The following ENTREP2 variants were observed in gnomAD, a reference collection of about 807,000 sequenced individuals.
ENTREP2 encodes the protein protein ENTREP2.
chr15:29,207,088 C>T, the ENTREP2 span, among the ~76,000 whole-genome samples: 27 of 152,154 alleles, frequency 1.8e-4, no homozygotes, highest in African/African-American at 6.0e-4. Context: ...GTGCCCTCAG[C>T]CAGCCCCTCC....
chr15:29,344,494 G>C, the ENTREP2 span, among the ~76,000 whole-genome samples: 1 of 152,032 alleles, frequency 6.6e-6, no homozygotes, highest in Non-Finnish European at 1.5e-5. Context: ...TTATAGAAGG[G>C]TCTTTACTTT....
chr15:29,219,018 G>C, the ENTREP2 span, among the ~76,000 whole-genome samples: 1 of 151,990 alleles, frequency 6.6e-6, no homozygotes, highest in Non-Finnish European at 1.5e-5. Flanking sequence ...AGAGTAAACA[G>C]ACAACCCACA....
At chr15:29,422,024 T>C in the ENTREP2 span, among the ~76,000 whole-genome samples, 5 of 151,932 alleles carry the variant, frequency 3.3e-5, no homozygotes, top group Non-Finnish European at 7.4e-5. Context: ...TCCCAGCACT[T>C]TGGGAGGCCG....
chr15:29,610,556 C>T, the ENTREP2 span: 1 of 150,706 alleles, frequency 6.6e-6, no homozygotes, highest in Non-Finnish European at 1.5e-5. Context: ...AGTTCATTCT[C>T]TCTTCCAGAA....
chr15:29,129,796 C>T, the ENTREP2 span, among the ~76,000 whole-genome samples: 1 of 152,162 alleles, frequency 6.6e-6, no homozygotes, highest in Non-Finnish European at 1.5e-5. Flanking sequence ...GCATCAGGGC[C>T]TCCCGGATGC....
At chr15:29,403,307 C>G in the ENTREP2 span, among the ~76,000 whole-genome samples, 1 of 152,184 alleles carries the variant, frequency 6.6e-6, no homozygotes, top group East Asian at 1.9e-4. Context: ...CCCTCCCTTT[C>G]TCAACCCATT....
the ENTREP2 span, among the ~76,000 whole-genome samples, chr15:29,466,569 C>A: frequency 1.4e-4 from 20 of 145,002 alleles, no homozygotes; most frequent in South Asian, 4.4e-4. Flanking sequence ...ATGCTGCAGC[C>A]CCCAGGGGAG....
At chr15:29,537,247 T>A in the ENTREP2 span, among the ~76,000 whole-genome samples, 1 of 152,258 alleles carries the variant, frequency 6.6e-6, no homozygotes, top group Middle Eastern at 3.4e-3. Context: ...AAGGAGCCAA[T>A]GCCCACTAGA....
chr15:29,432,640 C>G, the ENTREP2 span, among the ~76,000 whole-genome samples: 1 of 152,186 alleles, frequency 6.6e-6, no homozygotes, highest in Admixed American at 6.5e-5. Flanking sequence ...GTGACTCAGG[C>G]TGCAGGAGCC....
At chr15:29,659,500 T>C in the ENTREP2 span, among the ~76,000 whole-genome samples, 1 of 151,818 alleles carries the variant, frequency 6.6e-6, no homozygotes, top group South Asian at 2.1e-4. Flanking sequence ...ATAATAATAA[T>C]ACACCCAGAA....
At chr15:29,483,532 T>C in the ENTREP2 span, among the ~76,000 whole-genome samples, 1 of 152,244 alleles carries the variant, frequency 6.6e-6, no homozygotes, top group African/African-American at 2.4e-5. Flanking sequence ...TGTTGGCCTC[T>C]AGCTGTTCCA....
At chr15:29,667,064 G>C in the ENTREP2 span, among the ~76,000 whole-genome samples, 1 of 151,934 alleles carries the variant, frequency 6.6e-6, no homozygotes, top group African/African-American at 2.4e-5. Flanking sequence ...ACTGGATTAG[G>C]GCCCACTCTA....
chr15:29,652,436 G>A, the ENTREP2 span, among the ~76,000 whole-genome samples: 1 of 152,220 alleles, frequency 6.6e-6, no homozygotes, highest in African/African-American at 2.4e-5. Context: ...AGAACTCAAG[G>A]TGCCAAATGG....
the ENTREP2 span, among the ~76,000 whole-genome samples, chr15:29,407,426 T>C: frequency 1.3e-5 from 2 of 152,238 alleles, no homozygotes; most frequent in East Asian, 1.9e-4. Flanking sequence ...CCCTGAGGTC[T>C]CCCTCACCAT....
chr15:29,357,681 A>G, the ENTREP2 span, among the ~76,000 whole-genome samples: 1 of 151,928 alleles, frequency 6.6e-6, no homozygotes, highest in Admixed American at 6.6e-5. Flanking sequence ...ACTAAAAAAT[A>G]CAAAAAAATT....
chr15:29,232,111 G>A, the ENTREP2 span, among the ~76,000 whole-genome samples: 2 of 151,754 alleles, frequency 1.3e-5, no homozygotes, highest in African/African-American at 2.4e-5. Flanking sequence ...GGCTGGTCTC[G>A]AACCCCTGAC....
the ENTREP2 span, among the ~76,000 whole-genome samples, chr15:29,361,034 C>G: frequency 6.6e-6 from 1 of 152,308 alleles, no homozygotes; most frequent in African/African-American, 2.4e-5. Flanking sequence ...CTCCTGGACC[C>G]CTGCACCTGG....
chr15:29,196,687 G>T, the ENTREP2 span: 1 of 1,060,888 alleles, frequency 9.4e-7, no homozygotes, highest in Non-Finnish European at 1.3e-6. Flanking sequence ...GTTTCAGTGT[G>T]TTTAAGTAGT....
chr15:29,240,991 T>C, the ENTREP2 span, among the ~76,000 whole-genome samples: 1 of 152,220 alleles, frequency 6.6e-6, no homozygotes, highest in Non-Finnish European at 1.5e-5. Flanking sequence ...TCCAAACATA[T>C]ACTAAAATGT....
Sources: gnomAD v4.1 joint callset for allele counts (sites outside exome capture counted in the v4.1 genomes callset) on GRCh38, gnomAD v4.1.1 for gene constraint, MANE v1.5 for transcripts, NCBI Gene and HGNC (gene_info 2026-07-23, HGNC 2026-07-21) for gene names.